Variants in GAL3ST4 observed in about 807,000 individuals in gnomAD.
The protein encoded by GAL3ST4 is galactose-3-O-sulfotransferase 4.
GAL3ST4 carries 30 observed loss-of-function variants against 31.6 expected under a neutral mutation model. That is an observed-to-expected ratio of 0.95 (90% CI 0.71 to 1.29). GAL3ST4 has a LOEUF of 1.29. GAL3ST4 is among the 50% of genes most tolerant of loss of function. GAL3ST4 has a pLI of 0.00. For synonymous variants in GAL3ST4, 248 were observed against 256.9 expected, an observed-to-expected ratio of 0.97 and a Z score of 0.33; for missense variants, 629 against 625.2, an observed-to-expected ratio of 1.01 and a Z score of -0.06.
Position 100,159,717 on chromosome 7 carries a change from T to G in GAL3ST4, c.*211A>C. 1 of 521,352 alleles carries G rather than the reference T, an allele frequency of 1.9e-6. No homozygotes were observed. The highest frequency in any genetic ancestry group is 3.4e-6 in the Non-Finnish European group (1 of 296,704). The allele number at this position is 521,352 out of a possible 1,614,324, so 32.3% of individuals were successfully genotyped here. ...CCTGGGGGACAGAGCAAGACTCCGT[T>G]TCAAAAAAAAAAAAAGTTGGGGGGA... On this transcript the variant is annotated 3_prime_UTR_variant, in exon 4 of 4. Coordinates refer to ENST00000360039, the MANE Select transcript of GAL3ST4 (RefSeq NM_024637.5).
intron 3 of GAL3ST4, among the ~76,000 whole-genome samples, chr7:100,165,315 C>T (rs1429161114): frequency 5.9e-5 from 9 of 152,132 alleles, no homozygotes; most frequent in Admixed American, 5.9e-4. Flanking sequence ...GGATTACAGG[C>T]GTGTGCCACC....
At chr7:100,166,446 G>T (rs1461982123) in intron 3 of GAL3ST4, 56 bp downstream of exon 3, 27 of 1,532,612 alleles carry the variant, frequency 1.8e-5, no homozygotes, top group Middle Eastern at 3.5e-4. Context: ...TCCCTTGGTG[G>T]TGTCAGCCTG....
In GAL3ST4 at chr7:100,168,005, G is replaced by C. The variant is rs2405441; in HGVS notation, c.-189+541C>G. 0.29 allele frequency: 42,605 copies of C among 145,374 alleles called. 6,855 individuals carry two copies. The highest frequency in any genetic ancestry group is 0.62 in the East Asian group (3,063 of 4,928). The allele number at this position is 145,374 out of a possible 1,614,324, so 9.0% of individuals were successfully genotyped here. On this transcript the variant is annotated intron_variant, in intron 1 of 3. Transcript: ENST00000360039. This position sits in a 1 kb window ranked among gnomAD's most constrained non-coding sequence, Gnocchi z 4.1. ...GGAGAGGGAGACAGAAAGAGAGAGA[G>C]ACACACACACACACACACACACACA...
Position 100,159,869 on chromosome 7 carries a change from C to A in GAL3ST4, c.*59G>T. On this transcript the variant is annotated 3_prime_UTR_variant, in exon 4 of 4. Transcript: ENST00000360039. ...AGAAATGGCATCTTGCTGCCCCCCA[C>A]TCATCACATGTGCCCTTCAAACATG... The A allele has an allele frequency of 7.2e-7, 1 of 1,388,358 alleles. No individual in the cohort carries two copies. The highest frequency in any genetic ancestry group is 9.9e-7 in the Non-Finnish European group (1 of 1,008,518). 86.0% of individuals were successfully genotyped at this position (1,388,358 alleles called of 1,614,324 possible). A position where few individuals can be genotyped will look rare whatever the true frequency, so the allele number is the denominator to read the frequency against.
In GAL3ST4 at chr7:100,159,386, C is replaced by G. The variant is rs943803469; in HGVS notation, c.*542G>C. On this transcript the variant is annotated 3_prime_UTR_variant, in exon 4 of 4. Coordinates refer to ENST00000360039, the MANE Select transcript of GAL3ST4 (RefSeq NM_024637.5). The stretch of plus-strand genomic sequence containing the variant: ...CTGTGGCTCACTCCATCTTTTGCCC[C>G]TCTAGGGAGCTTCGGTGATGTGGAT... 1.3e-5 allele frequency: 2 copies of G among 154,346 alleles called. No individual in the cohort carries two copies. Among genetic ancestry groups the G allele is most frequent in the South Asian group, 2.0e-4 (1 of 5,040 alleles). 9.6% of individuals were successfully genotyped at this position (154,346 alleles called of 1,614,324 possible). A position where few individuals can be genotyped will look rare whatever the true frequency, so the allele number is the denominator to read the frequency against.
In GAL3ST4 at chr7:100,167,000, G is replaced by C. The variant is rs369763152; in HGVS notation, c.96C>G (p.Leu32=). The change falls in exon 2 of 4, where the codon CTC becomes CTG. Residue 32 remains leucine (L), a synonymous_variant. Coordinates refer to ENST00000360039, the MANE Select transcript of GAL3ST4 (RefSeq NM_024637.5). ...TCTGGAAGGGCCCTCCCAAGAGCTG[G>C]AGTGCAAAGCCAATGGTCATGAAGA... ...LGVFMTIGFA[L]QLLGGPFQRR... is the part of the protein sequence containing the mutation. 7.6e-6 allele frequency: 12 copies of C among 1,585,196 alleles called. No individual in the cohort carries two copies. The highest frequency in any genetic ancestry group is 3.7e-5 in the Admixed American group (2 of 54,130).
rs374664217 is a variant in GAL3ST4 at position 100,159,968 on chromosome 7, A to G, written c.1421T>C (p.Val474Ala). 26 of 1,612,120 alleles carry G rather than the reference A, an allele frequency of 1.6e-5. No individual in the cohort carries two copies. Among genetic ancestry groups the G allele is most frequent in the Non-Finnish European group, 2.2e-5 (26 of 1,179,150 alleles). Residue 474 changes from valine (V) to alanine (A), a missense_variant, in exon 4 of 4, where the codon GTC (valine) becomes GCC (alanine). Transcript: ENST00000360039. ...KLDAKQFPPT[V>A]SLPLKTSRPL... is the part of the protein sequence containing the mutation. Reference sequence around the variant, plus strand: ...CCTTGAAGTCTTGAGGGGCAGTGAGACGGTAGGGGGGAACTGCTTGGCATC... The same window carrying G: ...CCTTGAAGTCTTGAGGGGCAGTGAGGCGGTAGGGGGGAACTGCTTGGCATC...
chr7:100,161,063 C>T, intron 3 of GAL3ST4, 104 bp from the exon 4 acceptor site: 1 of 957,354 alleles, frequency 1.0e-6, no homozygotes, highest in Non-Finnish European at 1.5e-6. Context: ...GAAACCTCCT[C>T]CTCCCAGCTC....
chr7:100,160,641 G>C lies in GAL3ST4; in HGVS notation c.748C>G (p.Arg250Gly), dbSNP rs763769980. Residue 250 changes from arginine (R) to glycine (G), a missense_variant, in exon 4 of 4, where the codon CGA becomes GGA. Arg to Gly is a moderately radical substitution (Grantham distance 125, BLOSUM62 -2). Coordinates refer to ENST00000360039, the MANE Select transcript of GAL3ST4 (RefSeq NM_024637.5). ...GCATTGGGATTGAGGGTTTGGGCTC[G>C]AGGGCCAGCACCAGAAGGCAAGACC... ...LQVLPSGAGP[R>G]AQTLNPNALI... 6.2e-7 allele frequency: 1 copy of C among 1,613,888 alleles called. No individual in the cohort carries two copies. The highest frequency in any genetic ancestry group is 2.2e-5 in the East Asian group (1 of 44,888).
intron 3 of GAL3ST4, among the ~76,000 whole-genome samples, chr7:100,161,821 C>G (rs1435499632): frequency 6.6e-6 from 1 of 152,146 alleles, no homozygotes; most frequent in African/African-American, 2.4e-5. Flanking sequence ...TCATGCTCAG[C>G]AAACTAACCT....
At position 100,168,003 on chromosome 7, in the gene GAL3ST4, G is replaced by GACAC. The variant is rs143955532; in HGVS notation, c.-189+542_-189+543insGTGT. 0.081 allele frequency: 11,710 copies of GACAC among 144,738 alleles called. 549 individuals are homozygous for GACAC. Among genetic ancestry groups the GACAC allele is most frequent in the Non-Finnish European group, 0.11 (7,263 of 67,450 alleles). 9.0% of individuals were successfully genotyped at this position (144,738 alleles called of 1,614,324 possible). A position where few individuals can be genotyped will look rare whatever the true frequency, so the allele number is the denominator to read the frequency against. On this transcript the variant is annotated intron_variant, in intron 1 of 3. Transcript: ENST00000360039. This position sits in a 1 kb window ranked among gnomAD's most constrained non-coding sequence, Gnocchi z 4.1. ...CTGGAGAGGGAGACAGAAAGAGAGA[G>GACAC]AGACACACACACACACACACACACA... is the stretch of plus-strand genomic sequence containing the variant.
chr7:100,166,776 G>A lies in GAL3ST4; in HGVS notation c.155C>T (p.Ser52Leu), dbSNP rs760276260. Residue 52 changes from serine (S) to leucine (L), a missense_variant, in exon 3 of 4, where the codon TCG (serine) becomes TTG (leucine). Ser to Leu is a moderately radical substitution (Grantham distance 145, BLOSUM62 -2). Coordinates refer to ENST00000360039, the MANE Select transcript of GAL3ST4 (RefSeq NM_024637.5). ...RLPGLQLRQP[S>L]APSLRPALPS... ...AAGGGCTGGTCGTAGGGATGGGGCC[G>A]AGGGCTGTCGGAGCTGTAGCCCAGG... is the stretch of plus-strand genomic sequence containing the variant. The A allele has an allele frequency of 1.5e-5, 24 of 1,610,542 alleles. No homozygotes were observed. The highest frequency in any genetic ancestry group is 2.7e-5 in the African/African-American group (2 of 74,892).
At chr7:100,163,823 C>T (rs1316171354) in intron 3 of GAL3ST4, among the ~76,000 whole-genome samples, 2 of 152,150 alleles carry the variant, frequency 1.3e-5, no homozygotes, top group Non-Finnish European at 2.9e-5. Flanking sequence ...CATGAGCCAC[C>T]ATGCCTGGCC....
Position 100,160,045 on chromosome 7 carries a change from T to C in GAL3ST4, c.1344A>G (p.Gln448=). 6.2e-7 allele frequency: 1 copy of C among 1,614,098 alleles called. No individual in the cohort carries two copies. Among genetic ancestry groups the C allele is most frequent in the Non-Finnish European group, 8.5e-7 (1 of 1,180,016 alleles). The part of the protein sequence containing the change: ...ILRSGLSPQD[Q]EECERLATPE... Reference sequence around the variant, plus strand: ...GGGTAGCTAGGCGCTCACATTCCTCTTGGTCTTGGGGGCTCAATCCACTCC... The same window carrying C: ...GGGTAGCTAGGCGCTCACATTCCTCCTGGTCTTGGGGGCTCAATCCACTCC... The change falls in exon 4 of 4, where the codon CAA becomes CAG. Residue 448 remains glutamine (Q), a synonymous_variant. Coordinates refer to ENST00000360039, the MANE Select transcript of GAL3ST4 (RefSeq NM_024637.5).
At chr7:100,163,655 C>T (rs1799035031) in intron 3 of GAL3ST4, among the ~76,000 whole-genome samples, 1 of 152,006 alleles carries the variant, frequency 6.6e-6, no homozygotes, top group Admixed American at 6.6e-5. Context: ...CAATCTCAGC[C>T]TCCTGAATAG....
intron 3 of GAL3ST4, among the ~76,000 whole-genome samples, chr7:100,166,165 C>CA (rs1463843969): frequency 1.3e-5 from 2 of 152,020 alleles, no homozygotes; most frequent in African/African-American, 4.8e-5. Flanking sequence ...CCCTGTCTTC[C>CA]AAAAAATAAT....
rs747200245 is a variant in GAL3ST4 at position 100,166,549 on chromosome 7, G to A, written c.382C>T (p.Leu128Phe). 2 of 1,614,148 alleles carry A rather than the reference G, an allele frequency of 1.2e-6. No homozygotes were observed. The highest frequency in any genetic ancestry group is 1.7e-6 in the Non-Finnish European group (2 of 1,180,000). ...TGGTGACAGAGGATGTGGAAGGGGA[G>A]CTGGGTGCCTCCACCCTGTGGGCGG... is the stretch of plus-strand genomic sequence containing the variant. ...GYRPQGGGTQLPFHILCHHMR... is the reference protein window; with the variant it reads ...GYRPQGGGTQFPFHILCHHMR... The change falls in exon 3 of 4, where the codon CTC (leucine) becomes TTC (phenylalanine). Residue 128 changes from leucine to phenylalanine, a missense_variant. Leu to Phe is a conservative substitution (Grantham distance 22). Coordinates refer to ENST00000360039, the MANE Select transcript of GAL3ST4 (RefSeq NM_024637.5).
intron 3 of GAL3ST4, 58 bp downstream of exon 3, chr7:100,166,444 T>C: frequency 6.5e-7 from 1 of 1,527,632 alleles, no homozygotes; most frequent in Non-Finnish European, 8.9e-7. Flanking sequence ...CCTCCCTTGG[T>C]GGTGTCAGCC....
Position 100,167,143 on chromosome 7 carries a change from G to A in GAL3ST4, c.-48C>T. 6.4e-7 allele frequency: 1 copy of A among 1,551,874 alleles called. No individual in the cohort carries two copies. Among genetic ancestry groups the A allele is most frequent in the South Asian group, 1.2e-5 (1 of 84,060 alleles). On this transcript the variant is annotated 5_prime_UTR_variant, in exon 2 of 4. Transcript: ENST00000360039. ...GACAGAGAGATGGAGCCAGGGCCAG[G>A]AAGAGGGGCAGAGACAGCTGGAGAC...
Sources: gnomAD v4.1 joint callset for allele counts (sites outside exome capture counted in the v4.1 genomes callset) on GRCh38, gnomAD v4.1.1 for gene constraint, Gnocchi (gnomAD v3.1) non-coding constraint, MANE v1.5 for transcripts, NCBI Gene and HGNC (gene_info 2026-07-23, HGNC 2026-07-21) for gene names.